The following TNRC6A variants were observed in gnomAD, a reference collection of about 807,000 sequenced individuals.
TNRC6A encodes the protein trinucleotide repeat-containing gene 6A protein.
A neutral mutation model predicts 221.2 loss-of-function variants in TNRC6A; 44 were observed. The observed-to-expected ratio is 0.20, with a 90% confidence interval of 0.16 to 0.26. The LOEUF (loss-of-function observed/expected upper bound fraction) is 0.26, where lower values mean the gene tolerates loss of function less well. Among genes scored for constraint, TNRC6A ranks in the 10% least tolerant of loss-of-function variants. The pLI, the probability that TNRC6A is intolerant of heterozygous loss-of-function variation, is 1.00. For missense variants in TNRC6A, 2,199 were observed against 2,404.4 expected (o/e 0.91, Z 1.79); for synonymous variants, 847 against 838.5 (o/e 1.01, Z -0.18).
In TNRC6A at chr16:24,758,311, GT is replaced by G. The variant is rs776267277; in HGVS notation, c.142-22del. 3.1e-6 allele frequency: 5 copies of G among 1,596,026 alleles called. No individual in the cohort carries two copies. In the Admixed American group the frequency reaches 6.7e-5, roughly 21 times the overall value. ...TTTCTTTCAGTTTCATATTTACATT[GT>G]TTTTTGTTTGTTTGTTTTTATTTTA... On this transcript the variant is annotated intron_variant, in intron 3 of 24. Transcript: ENST00000395799.
At chr16:24,821,790 A>G (rs895003771) in intron 22 of TNRC6A, 11 of 460,700 alleles carry the variant, frequency 2.4e-5, no homozygotes, top group Admixed American at 6.9e-5. Context: ...GCTCCTATCA[A>G]TGAGAAGATC....
chr16:24,817,215 G>T (rs1329038898), intron 20 of TNRC6A, among the ~76,000 whole-genome samples: 8 of 152,110 alleles, frequency 5.3e-5, no homozygotes, highest in Admixed American at 5.2e-4. Context: ...TTTTTAAATG[G>T]TGAGGATTTT....
intron 2 of TNRC6A, among the ~76,000 whole-genome samples, chr16:24,655,778 A>C (rs8058098): frequency 0.082 from 12,513 of 152,188 alleles, 1,256 homozygotes; most frequent in African/African-American, 0.24. Flanking sequence ...CTCAGTCTGA[A>C]CGAACAAAAT....
chr16:24,654,124 T>G (rs1158778442), intron 2 of TNRC6A, among the ~76,000 whole-genome samples: 3 of 152,192 alleles, frequency 2.0e-5, no homozygotes, highest in Admixed American at 1.3e-4. Flanking sequence ...GGCTGCCATG[T>G]GCACTCAAAT....
intron 5 of TNRC6A, among the ~76,000 whole-genome samples, chr16:24,787,169 T>C (rs562033339): frequency 6.6e-6 from 1 of 152,322 alleles, no homozygotes; most frequent in African/African-American, 2.4e-5. Context: ...AGCACTGAGC[T>C]TAATGCTTTA....
chr16:24,618,001 G>A (rs571108117), intron 1 of TNRC6A, among the ~76,000 whole-genome samples: 57 of 152,286 alleles, frequency 3.7e-4, no homozygotes, highest in South Asian at 1.5e-3. Flanking sequence ...AGGTCCAAGC[G>A]ATTCTCGTGC....
chr16:24,726,684 A>G (rs1429667066), upstream of TNRC6A, among the ~76,000 whole-genome samples: 1 of 152,156 alleles, frequency 6.6e-6, no homozygotes, highest in African/African-American at 2.4e-5. Flanking sequence ...AGAGCAGAAA[A>G]ATGGAGCTGG....
intron 1 of TNRC6A, among the ~76,000 whole-genome samples, 198 bp from the exon 2 acceptor site, chr16:24,730,055 G>A (rs2056587537): frequency 6.7e-6 from 1 of 148,880 alleles, no homozygotes; most frequent in African/African-American, 2.4e-5. Flanking sequence ...GGCCAGGCCG[G>A]GGTTGCGCCT....
At chr16:24,678,520 C>T (rs1345771808) in intron 2 of TNRC6A, among the ~76,000 whole-genome samples, 1 of 152,128 alleles carries the variant, frequency 6.6e-6, no homozygotes, top group Non-Finnish European at 1.5e-5. Flanking sequence ...GGGAGATCTG[C>T]TGATGACCAG....
intron 2 of TNRC6A, among the ~76,000 whole-genome samples, chr16:24,712,857 G>A (rs568923017): frequency 1.6e-4 from 25 of 151,872 alleles, no homozygotes; most frequent in African/African-American, 5.6e-4. Flanking sequence ...GGGCTCAAGG[G>A]CTCCTCCCAG....
chr16:24,808,856 G>GT (rs2058487129), intron 17 of TNRC6A, among the ~76,000 whole-genome samples: 1 of 152,166 alleles, frequency 6.6e-6, no homozygotes, highest in Non-Finnish European at 1.5e-5. Flanking sequence ...TAGCTTAATA[G>GT]TTTTCTGACC....
In TNRC6A at chr16:24,731,595, T is replaced by A. The variant is rs542093672; in HGVS notation, c.53+1295T>A. Among the ~76,000 whole-genome samples the A allele has an allele frequency of 1.9e-4, 29 of 152,288 alleles. No homozygotes were observed. The East Asian group carries it at 5.2e-3, about 27-fold the overall frequency. ...AAGGAAATGTTAAGATATGAAACCA[T>A]TAAAGAAAACAGGTTGAGCCATTAA... On this transcript the variant is annotated intron_variant, in intron 2 of 24. Coordinates refer to ENST00000395799, the MANE Select transcript of TNRC6A (RefSeq NM_014494.4).
intron 2 of TNRC6A, among the ~76,000 whole-genome samples, chr16:24,676,729 T>C (rs775821949): frequency 1.3e-5 from 2 of 152,120 alleles, no homozygotes; most frequent in Non-Finnish European, 2.9e-5. Context: ...GCTAGGATTA[T>C]AGGCGTGAGC....
At chr16:24,811,048 T>C (rs747370731) in intron 18 of TNRC6A, among the ~76,000 whole-genome samples, 1 of 152,024 alleles carries the variant, frequency 6.6e-6, no homozygotes, top group Non-Finnish European at 1.5e-5. Flanking sequence ...CAGAAAAGAA[T>C]AGGTGTTCGC....
rs1469227226 is a variant in TNRC6A at position 24,790,103 on chromosome 16, A to G, written c.1461A>G (p.Thr487=). The G allele has an allele frequency of 1.2e-6, 2 of 1,614,228 alleles. No homozygotes were observed. The highest frequency in any genetic ancestry group is 8.5e-7 in the Non-Finnish European group (1 of 1,180,030). The change falls in exon 6 of 25, where the codon ACA becomes ACG. Residue 487 remains threonine, a synonymous_variant. Coordinates refer to ENST00000395799, the MANE Select transcript of TNRC6A (RefSeq NM_014494.4). ...SSNTGAWRVS[T]MNHPQMQAPS... ...ACACAGGGGCCTGGCGTGTGAGCAC[A>G]ATGAATCATCCTCAGATGCAGGCTC...
chr16:24,762,152 G>C (rs529266502), intron 4 of TNRC6A, among the ~76,000 whole-genome samples: 1 of 152,182 alleles, frequency 6.6e-6, no homozygotes, highest in East Asian at 1.9e-4. Flanking sequence ...GCGAAGTTTA[G>C]TTTATTACTG....
Position 24,729,687 on chromosome 16 carries a change from G to T in TNRC6A, c.-155G>T, listed in dbSNP as rs1270037434. 1.1e-4 allele frequency: 28 copies of T among 266,522 alleles called. No homozygotes were observed. The highest frequency in any genetic ancestry group is 1.3e-4 in the Non-Finnish European group (24 of 178,860). 16.5% of individuals were successfully genotyped at this position (266,522 alleles called of 1,614,324 possible). On this transcript the variant is annotated 5_prime_UTR_variant, in exon 1 of 25. Coordinates refer to ENST00000395799, the MANE Select transcript of TNRC6A (RefSeq NM_014494.4). ...GGGGCCTGCGGCGGCGGCGGTGTCGGCGGCGGCGGCGGCGGCGGCGGCGGC... is the reference window on the plus strand; with the variant it reads ...GGGGCCTGCGGCGGCGGCGGTGTCGTCGGCGGCGGCGGCGGCGGCGGCGGC...
chr16:24,682,967 T>G (rs1324290804), intron 2 of TNRC6A, among the ~76,000 whole-genome samples: 1 of 152,144 alleles, frequency 6.6e-6, no homozygotes. Context: ...TTGTTTACAT[T>G]CTAATGGAAA....
intron 4 of TNRC6A, among the ~76,000 whole-genome samples, chr16:24,768,257 C>G (rs893270508): frequency 3.9e-5 from 6 of 151,920 alleles, no homozygotes; most frequent in African/African-American, 1.2e-4. Flanking sequence ...CGGTGAAACC[C>G]CGTCTCTACT....
Sources: allele counts gnomAD v4.1 joint callset (sites outside exome capture counted in the v4.1 genomes callset), GRCh38; gene constraint gnomAD v4.1.1; transcripts MANE v1.5; gene names NCBI Gene and HGNC (gene_info 2026-07-23, HGNC 2026-07-21).